Variants in ATP8A2 observed in about 807,000 individuals in gnomAD.
ATP8A2 encodes ATPase phospholipid transporting 8A2.
ATP8A2 carries 100 observed loss-of-function variants against 165.6 expected under a neutral mutation model. That is an observed-to-expected ratio of 0.60 (90% CI 0.51 to 0.71). The LOEUF is 0.71. Ranked by LOEUF, ATP8A2 falls within the 30% of genes least tolerant of loss-of-function variation. The pLI is 0.00. For missense variants in ATP8A2, 1,227 were observed against 1,479.5 expected, an observed-to-expected ratio of 0.83 and a Z score of 2.80; for synonymous variants, 543 against 548.8, an observed-to-expected ratio of 0.99 and a Z score of 0.15.
chr13:25,646,862 C>T (rs868427903), intron 24 of ATP8A2, among the ~76,000 whole-genome samples: 2 of 152,038 alleles, frequency 1.3e-5, no homozygotes, highest in Non-Finnish European at 2.9e-5. Context: ...TCTGTAATGA[C>T]GTGCTTTGAA....
intron 24 of ATP8A2, among the ~76,000 whole-genome samples, chr13:25,696,435 A>C (rs2042835875): frequency 6.6e-6 from 1 of 152,250 alleles, no homozygotes; most frequent in South Asian, 2.1e-4. Context: ...ATCTTCTTTT[A>C]ATAGACGGCT....
chr13:25,896,347 G>A (rs1367088390), intron 33 of ATP8A2, among the ~76,000 whole-genome samples: 4 of 152,198 alleles, frequency 2.6e-5, no homozygotes, highest in Admixed American at 1.3e-4. Flanking sequence ...GCGGTTTTCA[G>A]TGAGTTTCTT....
At chr13:25,965,657 C>G (rs1165391360) in intron 34 of ATP8A2, among the ~76,000 whole-genome samples, 1 of 152,210 alleles carries the variant, frequency 6.6e-6, no homozygotes, top group African/African-American at 2.4e-5. Flanking sequence ...CACATACCCA[C>G]TTTCATCTAG....
intron 17 of ATP8A2, 137 bp downstream of exon 17, chr13:25,571,009 C>T: frequency 1.6e-6 from 1 of 616,590 alleles, no homozygotes; most frequent in South Asian, 2.2e-5. Flanking sequence ...TGTGGCCAGG[C>T]TGTGGCTACA....
intron 1 of ATP8A2, among the ~76,000 whole-genome samples, chr13:25,447,901 C>A (rs1309063050): frequency 6.6e-6 from 1 of 152,142 alleles, no homozygotes; most frequent in Admixed American, 6.5e-5. Context: ...TCAGACTATC[C>A]CTAGCCAAAC....
intron 1 of ATP8A2, among the ~76,000 whole-genome samples, chr13:25,430,853 C>T (rs2034589394): frequency 6.6e-6 from 1 of 152,170 alleles, no homozygotes; most frequent in South Asian, 2.1e-4. Flanking sequence ...CCGCCTCGGC[C>T]TCCCAAAGTG....
intron 36 of ATP8A2, 35 bp from the exon 37 acceptor site, chr13:26,019,853 T>G (rs777641889): frequency 2.8e-5 from 42 of 1,503,780 alleles, no homozygotes; most frequent in Non-Finnish European, 3.7e-5. Context: ...CCAATTCTCC[T>G]GTTAACCAGT....
chr13:25,680,184 T>C (rs1046732953), intron 24 of ATP8A2, among the ~76,000 whole-genome samples: 1 of 152,170 alleles, frequency 6.6e-6, no homozygotes, highest in Admixed American at 6.5e-5. Context: ...TCTTAGAATG[T>C]GACCTGGTTT....
intron 25 of ATP8A2, among the ~76,000 whole-genome samples, chr13:25,737,411 G>C (rs1246029742): frequency 1.3e-5 from 2 of 152,208 alleles, no homozygotes; most frequent in Non-Finnish European, 2.9e-5. Context: ...AGAGTCACCT[G>C]TTGGTTTACT....
chr13:25,629,798 A>G (rs1364069347), intron 24 of ATP8A2, among the ~76,000 whole-genome samples: 5 of 152,162 alleles, frequency 3.3e-5, no homozygotes, highest in African/African-American at 1.2e-4. Flanking sequence ...AAGTGAAGAA[A>G]TACTGGTTTA....
intron 34 of ATP8A2, among the ~76,000 whole-genome samples, chr13:25,963,549 A>G (rs1022332407): frequency 6.6e-6 from 1 of 152,244 alleles, no homozygotes; most frequent in Non-Finnish European, 1.5e-5. Flanking sequence ...AAGATAAGTC[A>G]GTTTTAGATA....
chr13:25,648,798 T>C (rs2041741684), intron 24 of ATP8A2, among the ~76,000 whole-genome samples: 1 of 152,226 alleles, frequency 6.6e-6, no homozygotes, highest in Non-Finnish European at 1.5e-5. Flanking sequence ...ATACTTGTTA[T>C]ATTGTATTTT....
intron 2 of ATP8A2, among the ~76,000 whole-genome samples, chr13:25,472,458 C>T (rs9578864): frequency 0.085 from 12,878 of 150,976 alleles, 877 homozygotes; most frequent in African/African-American, 0.19. Context: ...TTTGAGAAAA[C>T]GTCGAGCCAT....
intron 33 of ATP8A2, among the ~76,000 whole-genome samples, chr13:25,865,584 G>A (rs1394753790): frequency 6.6e-6 from 1 of 152,102 alleles, no homozygotes; most frequent in Admixed American, 6.6e-5. Context: ...GAAGAATATG[G>A]GTTTTCCCTT....
At chr13:25,919,665 C>T (rs932020428) in intron 33 of ATP8A2, among the ~76,000 whole-genome samples, 1 of 152,138 alleles carries the variant, frequency 6.6e-6, no homozygotes, top group Non-Finnish European at 1.5e-5. Flanking sequence ...CACTGCCCCT[C>T]ATACTCTGAA....
intron 16 of ATP8A2, among the ~76,000 whole-genome samples, chr13:25,564,457 C>T (rs1342898324): frequency 1.3e-5 from 2 of 152,144 alleles, no homozygotes. Flanking sequence ...TACTGTGTGC[C>T]AGGCAACTAA....
intron 24 of ATP8A2, among the ~76,000 whole-genome samples, chr13:25,649,444 A>T (rs2041758729): frequency 1.3e-5 from 2 of 152,136 alleles, no homozygotes; most frequent in Non-Finnish European, 2.9e-5. Flanking sequence ...TTAAGTGGAG[A>T]CACTGAGATG....
intron 2 of ATP8A2, among the ~76,000 whole-genome samples, chr13:25,487,282 T>A (rs2036382763): frequency 6.6e-6 from 1 of 152,208 alleles, no homozygotes; most frequent in South Asian, 2.1e-4. Context: ...TAAAGGTAAC[T>A]TGGTTGGCGA....
At chr13:25,719,379 C>A (rs543324404) in intron 25 of ATP8A2, among the ~76,000 whole-genome samples, 2 of 151,904 alleles carry the variant, frequency 1.3e-5, no homozygotes, top group South Asian at 4.2e-4. Flanking sequence ...GAGAAGCTGG[C>A]TTAGCAGTTC....
Sources: allele counts gnomAD v4.1 joint callset (sites outside exome capture counted in the v4.1 genomes callset), GRCh38; gene constraint gnomAD v4.1.1; transcripts MANE v1.5; gene names NCBI Gene and HGNC (gene_info 2026-07-23, HGNC 2026-07-21).